XIRP2: variants seen among roughly 807,000 people sequenced by gnomAD.
XIRP2 encodes the protein xin actin binding repeat containing 2, also known as xin actin-binding repeat-containing protein 2.
In XIRP2, 236 loss-of-function variants were observed where a neutral mutation model predicts 277.0. That is an observed-to-expected ratio of 0.85 (90% confidence interval 0.77 to 0.95). The LOEUF (loss-of-function observed/expected upper bound fraction) is 0.95. Ranked by LOEUF, XIRP2 falls within the 40% of genes least tolerant of loss-of-function variation. The pLI is 0.00. For synonymous variants in XIRP2, 1,490 were observed against 1,416.5 expected, an observed-to-expected ratio of 1.05 and a Z score of -1.17; for missense variants, 4,640 against 4,157.5, an observed-to-expected ratio of 1.12 and a Z score of -3.19.
chr2:167,027,356 A>C (rs186400795), intron 2 of XIRP2, among the ~76,000 whole-genome samples: 105 of 152,148 alleles, frequency 6.9e-4, no homozygotes, highest in African/African-American at 2.4e-3. Flanking sequence ...CAGCTCCATC[A>C]TCTCCTTTAA....
chr2:167,247,327 C>T lies in XIRP2; in HGVS notation c.5935C>T (p.Pro1979Ser). 5 of 1,613,694 alleles carry T rather than the reference C, an allele frequency of 3.1e-6. No individual in the cohort carries two copies. Among genetic ancestry groups the T allele is most frequent in the Non-Finnish European group, 4.2e-6 (5 of 1,179,796 alleles). ...VQRNKNSLLQ[P>S]KPGPFEPAAK... Reference sequence around the variant, plus strand: ...GAGGAACAAAAATAGTCTTCTTCAGCCAAAGCCAGGTCCATTTGAGCCAGC... The same window carrying T: ...GAGGAACAAAAATAGTCTTCTTCAGTCAAAGCCAGGTCCATTTGAGCCAGC... Residue 1979 changes from proline to serine, a missense_variant, in exon 9 of 11, where the codon CCA (proline) becomes TCA (serine). Pro to Ser is a moderately conservative substitution (Grantham distance 74, BLOSUM62 -1). Coordinates refer to ENST00000409195, the MANE Select transcript of XIRP2 (RefSeq NM_152381.6).
chr2:167,189,812 G>A (rs1693273343), intron 3 of XIRP2, among the ~76,000 whole-genome samples: 1 of 152,060 alleles, frequency 6.6e-6, no homozygotes, highest in Admixed American at 6.6e-5. Flanking sequence ...ATTCAGTTCG[G>A]ACACTAGGTC....
chr2:167,184,183 G>A (rs983526680), intron 3 of XIRP2, among the ~76,000 whole-genome samples: 10 of 152,116 alleles, frequency 6.6e-5, no homozygotes, highest in Non-Finnish European at 1.5e-5. Flanking sequence ...CCATCTGCTA[G>A]GGCCAAGACA....
chr2:167,066,856 T>G (rs900504070), intron 2 of XIRP2, among the ~76,000 whole-genome samples: 1 of 152,138 alleles, frequency 6.6e-6, no homozygotes, highest in Non-Finnish European at 1.5e-5. Context: ...CTGGAGTACA[T>G]TATGCCAAGT....
At chr2:167,026,099 T>C (rs1228916719) in intron 2 of XIRP2, among the ~76,000 whole-genome samples, 1 of 152,184 alleles carries the variant, frequency 6.6e-6, no homozygotes, top group East Asian at 1.9e-4. Context: ...TAAGTCTCTT[T>C]GAAGGTCACT....
At position 167,250,127 on chromosome 2, in the gene XIRP2, A is replaced by T. The variant is rs1334544812; in HGVS notation, c.8735A>T (p.Asn2912Ile). 14 of 1,613,214 alleles carry T rather than the reference A, an allele frequency of 8.7e-6. No individual in the cohort carries two copies. Among genetic ancestry groups the T allele is most frequent in the African/African-American group, 2.7e-5 (2 of 74,816 alleles). ...ATACAAGAGAAACAAGTCTTCTCTA[A>T]TACTAAAGATTCAAAGCAAGAGATT... Reference protein sequence around the residue: ...KGIQEKQVFSNTKDSKQEITQ... With the variant: ...KGIQEKQVFSITKDSKQEITQ... The change falls in exon 9 of 11, where the codon AAT (asparagine) becomes ATT (isoleucine). Residue 2912 changes from asparagine (N) to isoleucine (I), a missense_variant. Physicochemically the swap from Asn to Ile is moderately radical, Grantham distance 149 (BLOSUM62 -3). Coordinates refer to ENST00000409195, the MANE Select transcript of XIRP2 (RefSeq NM_152381.6).
rs191499585 is a variant in XIRP2 at position 167,197,139 on chromosome 2, G to A, written c.563-13596G>A. Among the ~76,000 whole-genome samples the A allele has an allele frequency of 2.2e-3, 332 of 152,258 alleles. 1 individual carries two copies. Among genetic ancestry groups the A allele is most frequent in the Non-Finnish European group, 3.0e-3 (207 of 68,016 alleles). On this transcript the variant is annotated intron_variant, in intron 3 of 10. Coordinates refer to ENST00000409195, the MANE Select transcript of XIRP2 (RefSeq NM_152381.6). ...TGTGGTACCCTGCTGAGACTTTTGG[G>A]TGAAGAGCTGAATTTCTTTGTGGGA...
At chr2:167,130,821 C>T (rs1574281558) in intron 2 of XIRP2, among the ~76,000 whole-genome samples, 1 of 152,062 alleles carries the variant, frequency 6.6e-6, no homozygotes, top group Non-Finnish European at 1.5e-5. Flanking sequence ...CAAAACCGCT[C>T]CCTGGCTGAA....
chr2:167,042,787 G>A (rs1329917802), intron 2 of XIRP2, among the ~76,000 whole-genome samples: 2 of 152,092 alleles, frequency 1.3e-5, no homozygotes, highest in Non-Finnish European at 2.9e-5. Context: ...CACTGACAGT[G>A]TTAGGCAGAT....
At chr2:166,902,608 G>C (rs1684411446) in intron 1 of XIRP2, among the ~76,000 whole-genome samples, 1 of 152,038 alleles carries the variant, frequency 6.6e-6, no homozygotes, top group Admixed American at 6.6e-5. Flanking sequence ...GTGTGTGTGT[G>C]TGTGTGTTTG....
At chr2:166,948,010 A>G (rs1336635945) in intron 2 of XIRP2, among the ~76,000 whole-genome samples, 3 of 152,128 alleles carry the variant, frequency 2.0e-5, no homozygotes, top group African/African-American at 7.2e-5. Context: ...TTCTGGAAAG[A>G]GCAAAATTAT....
Position 167,095,055 on chromosome 2 carries a change from G to T in XIRP2, c.409-40854G>T, listed in dbSNP as rs1218282356. On this transcript the variant is annotated intron_variant, in intron 2 of 10. Coordinates refer to ENST00000409195, the MANE Select transcript of XIRP2 (RefSeq NM_152381.6). ...CACATCCCTTGTAAGTTTATTCCTA[G>T]GTTTTTTATTCTCTTTGTAGCAATT... is the stretch of plus-strand genomic sequence containing the variant. 2.0e-5 allele frequency among the ~76,000 whole-genome samples: 3 copies of T among 152,078 alleles called. No individual in the cohort carries two copies. In the East Asian group the frequency reaches 5.8e-4, roughly 29 times the overall value.
chr2:167,086,440 G>T (rs895566799), intron 2 of XIRP2, among the ~76,000 whole-genome samples: 1 of 151,962 alleles, frequency 6.6e-6, no homozygotes, highest in Non-Finnish European at 1.5e-5. Flanking sequence ...CTCTTCTCAA[G>T]GAGTATCTTT....
At chr2:167,141,797 G>A (rs758577171) in intron 3 of XIRP2, among the ~76,000 whole-genome samples, 44 of 152,114 alleles carry the variant, frequency 2.9e-4, no homozygotes, top group Non-Finnish European at 6.0e-4. Context: ...GGAGTTCAAG[G>A]TTACAGTTAG....
chr2:167,187,654 G>C (rs1287046875), intron 3 of XIRP2: 1 of 688,638 alleles, frequency 1.5e-6, no homozygotes, highest in Non-Finnish European at 1.8e-6. Context: ...AAAATATCCA[G>C]TTGGATTTTG....
At chr2:167,124,506 G>A (rs902354212) in intron 2 of XIRP2, 6 of 152,034 alleles carry the variant, frequency 3.9e-5, no homozygotes, top group Admixed American at 1.3e-4. Flanking sequence ...AAATCCATTT[G>A]ACAAACATTT....
Position 167,247,231 on chromosome 2 carries a change from A to T in XIRP2, c.5839A>T (p.Lys1947Ter), listed in dbSNP as rs760361597. 1.9e-5 allele frequency: 31 copies of T among 1,613,592 alleles called. No individual in the cohort carries two copies. Among genetic ancestry groups the T allele is most frequent in the Admixed American group, 5.0e-5 (3 of 59,948 alleles). The stretch of plus-strand genomic sequence containing the variant: ...GGTACATAAAGAAGGTGTAATAAAA[A>T]AAGATGCTAAAGCTGTGATGGCAGG... ...KEVHKEGVIK[K>*]DAKAVMAGSS... Residue 1947 changes from lysine to a stop codon, truncating the protein, a stop_gained, in exon 9 of 11, where the codon AAA becomes TAA. Transcript: ENST00000409195. LOFTEE classifies it high-confidence loss of function.
At chr2:166,909,016 A>G (rs1182693135) in intron 2 of XIRP2, among the ~76,000 whole-genome samples, 1 of 151,950 alleles carries the variant, frequency 6.6e-6, no homozygotes, top group Non-Finnish European at 1.5e-5. Flanking sequence ...TTTGGTTACT[A>G]TAGTCTTGTA....
rs758465163 is a variant in XIRP2 at position 167,245,278 on chromosome 2, A to T, written c.3886A>T (p.Thr1296Ser). 1.2e-6 allele frequency: 2 copies of T among 1,613,544 alleles called. No individual in the cohort carries two copies. The highest frequency in any genetic ancestry group is 1.7e-6 in the Non-Finnish European group (2 of 1,179,702). Residue 1296 changes from threonine to serine, a missense_variant, in exon 9 of 11, where the codon ACC (threonine) becomes TCC (serine). Physicochemically the swap from Thr to Ser is moderately conservative, Grantham distance 58. Coordinates refer to ENST00000409195, the MANE Select transcript of XIRP2 (RefSeq NM_152381.6). ...TAAAGAAGAATCTGACTATATCAGC[A>T]CCAAGAAAACAATTACTGAAGAAGT... Reference protein sequence around the residue: ...EIKEESDYISTKKTITEEVIQ... With the variant: ...EIKEESDYISSKKTITEEVIQ...
Sources: gnomAD v4.1 joint callset for allele counts (sites outside exome capture counted in the v4.1 genomes callset) on GRCh38, gnomAD v4.1.1 for gene constraint, MANE v1.5 for transcripts, NCBI Gene and HGNC (gene_info 2026-07-23, HGNC 2026-07-21) for gene names.